OSBPL9: variants seen among roughly 807,000 people sequenced by gnomAD.
OSBPL9 encodes oxysterol binding protein like 9.
In OSBPL9, 40 loss-of-function variants were observed where a neutral mutation model predicts 106.6. That is an observed-to-expected ratio of 0.38 (90% CI 0.29 to 0.49). The LOEUF (loss-of-function observed/expected upper bound fraction) is 0.49. Among genes scored for constraint, OSBPL9 ranks in the 20% least tolerant of loss-of-function variants. The probability of loss-of-function intolerance (pLI) is 0.97; values close to 1 mark genes in which losing one functional copy is unlikely to be tolerated. For synonymous variants in OSBPL9, 269 were observed against 295.4 expected (o/e 0.91, Z 0.92); for missense variants, 609 against 887.2 (o/e 0.69, Z 3.98).
chr1:51,711,513 T>C (rs1659901730), intron 3 of OSBPL9, among the ~76,000 whole-genome samples: 1 of 121,342 alleles, frequency 8.2e-6, no homozygotes, highest in African/African-American at 3.2e-5. Flanking sequence ...GGCGGGGGGC[T>C]GACCCCCCAC....
At chr1:51,557,855 A>G in the OSBPL9 span, among the ~76,000 whole-genome samples, 1 of 152,234 alleles carries the variant, frequency 6.6e-6, no homozygotes, top group Admixed American at 6.5e-5. Context: ...AAATTATGAC[A>G]GTGAGAAAAA....
At chr1:51,710,146 A>G (rs1039436096) in intron 3 of OSBPL9, among the ~76,000 whole-genome samples, 4 of 152,194 alleles carry the variant, frequency 2.6e-5, no homozygotes, top group African/African-American at 9.7e-5. Context: ...TGTATTGATT[A>G]CTGGGGGTGG....
intron 2 of OSBPL9, among the ~76,000 whole-genome samples, chr1:51,668,276 C>G (rs1337593213): frequency 6.6e-6 from 1 of 152,078 alleles, no homozygotes; most frequent in Non-Finnish European, 1.5e-5. Flanking sequence ...GCTTAGTTTC[C>G]TGTCTCTTAT....
At chr1:51,666,581 A>G (rs1403117165) in intron 2 of OSBPL9, among the ~76,000 whole-genome samples, 1 of 152,224 alleles carries the variant, frequency 6.6e-6, no homozygotes, top group Non-Finnish European at 1.5e-5. Flanking sequence ...GTTGGATAAC[A>G]CTGCCGTCAA....
At chr1:51,690,680 A>G (rs1055166302) in intron 3 of OSBPL9, among the ~76,000 whole-genome samples, 2 of 152,228 alleles carry the variant, frequency 1.3e-5, no homozygotes, top group African/African-American at 4.8e-5. Context: ...GCATTATTCT[A>G]GGGGCTTGGG....
At chr1:51,750,861 G>C (rs1669082898) in intron 8 of OSBPL9, among the ~76,000 whole-genome samples, 1 of 152,142 alleles carries the variant, frequency 6.6e-6, no homozygotes, top group African/African-American at 2.4e-5. Flanking sequence ...AGGGGTGGGT[G>C]ACCAGCTCCA....
intron 12 of OSBPL9, 106 bp downstream of exon 12, chr1:51,766,087 A>G: frequency 8.7e-7 from 1 of 1,152,744 alleles, no homozygotes; most frequent in South Asian, 2.2e-5. Flanking sequence ...ATCAGTTATT[A>G]TTTGGGAAAA....
At chr1:51,556,362 T>G in the OSBPL9 span, among the ~76,000 whole-genome samples, 13 of 152,132 alleles carry the variant, frequency 8.5e-5, no homozygotes, top group African/African-American at 3.1e-4. Context: ...TATAACCAAC[T>G]GGAAAGTCTG....
rs1353835128 is a variant in OSBPL9, at chr1:51,586,251, T to A, written c.-423+8995T>A. Among the ~76,000 whole-genome samples the A allele has an allele frequency of 3.3e-5, 5 of 151,902 alleles. No individual in the cohort carries two copies. The East Asian group carries it at 7.7e-4, about 23-fold the overall frequency. The stretch of plus-strand genomic sequence containing the variant: ...TTCATTGTAGAAAATAATGAAAAAA[T>A]TAAACTAATCTGAAATTCCATTATT... On this transcript the variant is annotated intron_variant, in intron 1 of 25. Transcript: ENST00000371714.
intron 4 of OSBPL9, among the ~76,000 whole-genome samples, chr1:51,716,356 T>C (rs1199797831): frequency 6.6e-6 from 1 of 152,224 alleles, no homozygotes; most frequent in Non-Finnish European, 1.5e-5. Context: ...CATTTAACCA[T>C]TAACATTCAA....
intron 3 of OSBPL9, among the ~76,000 whole-genome samples, chr1:51,710,726 C>T (rs1659620789): frequency 6.6e-6 from 1 of 152,136 alleles, no homozygotes; most frequent in African/African-American, 2.4e-5. Context: ...TTTTGAGAGC[C>T]TACCTGAATT....
intron 4 of OSBPL9, among the ~76,000 whole-genome samples, chr1:51,715,436 TG>T (rs1360931564): frequency 6.6e-6 from 1 of 152,168 alleles, no homozygotes; most frequent in Non-Finnish European, 1.5e-5. Context: ...TTTGTTTGTT[TG>T]TTTGTTTTTT....
the OSBPL9 span, among the ~76,000 whole-genome samples, chr1:51,570,318 G>A: frequency 6.6e-6 from 1 of 152,180 alleles, no homozygotes. Context: ...ATAACCCCAT[G>A]AAGTGGGTTC....
At chr1:51,536,946 T>C in the OSBPL9 span, among the ~76,000 whole-genome samples, 4 of 152,236 alleles carry the variant, frequency 2.6e-5, no homozygotes, top group African/African-American at 9.6e-5. Context: ...CCTGTGTAAG[T>C]AATGGTAATC....
chr1:51,707,166 T>C (rs1029705971), intron 3 of OSBPL9: 1 of 397,094 alleles, frequency 2.5e-6, no homozygotes, highest in Non-Finnish European at 5.1e-6. Flanking sequence ...GACCATGAGG[T>C]CCACCACCCT....
At chr1:51,736,726 A>G (rs1312172918) in intron 4 of OSBPL9, among the ~76,000 whole-genome samples, 1 of 152,098 alleles carries the variant, frequency 6.6e-6, no homozygotes, top group African/African-American at 2.4e-5. Flanking sequence ...TTAAAAGTAG[A>G]CTCCAGATAG....
rs115372299 is a variant in OSBPL9 at position 51,699,204 on chromosome 1, T to G, written c.242-14799T>G. ...TAGAAAGAAGTAGCAAAGCTACATGTATACATTAGTCCTGCTCCTGCTCCT... is the reference window on the plus strand; with the variant it reads ...TAGAAAGAAGTAGCAAAGCTACATGGATACATTAGTCCTGCTCCTGCTCCT... On this transcript the variant is annotated intron_variant, in intron 3 of 23. Transcript: ENST00000428468. Among the ~76,000 whole-genome samples the G allele has an allele frequency of 6.4e-3, 969 of 152,322 alleles. 7 individuals carry two copies. Among genetic ancestry groups the G allele is most frequent in the Non-Finnish European group, 0.011 (758 of 68,022 alleles).
chr1:51,730,028 A>G, intron 4 of OSBPL9: 1 of 1,305,378 alleles, frequency 7.7e-7, no homozygotes, highest in Non-Finnish European at 9.8e-7. Flanking sequence ...GGTCTGGGAG[A>G]GGGGCCGGCC....
chr1:51,523,338 C>G, the OSBPL9 span, among the ~76,000 whole-genome samples: 1 of 151,732 alleles, frequency 6.6e-6, no homozygotes, highest in Non-Finnish European at 1.5e-5. Flanking sequence ...AACTCCTGGG[C>G]TCAAGTCATC....
Sources: allele counts gnomAD v4.1 joint callset (sites outside exome capture counted in the v4.1 genomes callset), GRCh38; gene constraint gnomAD v4.1.1; transcripts MANE v1.5; gene names NCBI Gene and HGNC (gene_info 2026-07-23, HGNC 2026-07-21).